Variants in CC2D1B observed in about 807,000 individuals in gnomAD.
CC2D1B encodes coiled-coil and C2 domain-containing protein 1B.
Under a neutral mutation model 110.8 loss-of-function variants are expected in CC2D1B, and 92 were observed. The ratio of observed to expected loss-of-function variants is 0.83; its 90% CI spans 0.70 to 0.99. The LOEUF (loss-of-function observed/expected upper bound fraction) is 0.99, where lower values mean the gene tolerates loss of function less well. CC2D1B is among the 50% of genes least tolerant of loss of function. The probability of loss-of-function intolerance (pLI) is 0.00; values close to 1 mark genes in which losing one functional copy is unlikely to be tolerated. For missense variants in CC2D1B, 1,136 were observed against 1,089.0 expected (o/e 1.04, Z -0.61); for synonymous variants, 406 against 429.2 (o/e 0.95, Z 0.67).
In CC2D1B at chr1:52,353,192, G is replaced by T; in HGVS notation, c.*33C>A. The T allele has an allele frequency of 7.5e-7, 1 of 1,333,868 alleles. No homozygotes were observed. The highest frequency in any genetic ancestry group is 9.9e-7 in the Non-Finnish European group (1 of 1,009,030). 82.6% of individuals were successfully genotyped at this position (1,333,868 alleles called of 1,614,324 possible). A position where few individuals can be genotyped will look rare whatever the true frequency, so the allele number is the denominator to read the frequency against. On this transcript the variant is annotated 3_prime_UTR_variant, in exon 25 of 25. Coordinates refer to ENST00000284376, the MANE Select transcript of CC2D1B (RefSeq NM_001330585.2). ...GGAAAGTCATCTCCTGCACAGTCGC[G>T]GCCTGACTCCTCTCCTGGTGCTGGC...
chr1:52,363,211 G>C (rs912910538), intron 2 of CC2D1B, among the ~76,000 whole-genome samples: 2 of 151,964 alleles, frequency 1.3e-5, no homozygotes, highest in Non-Finnish European at 2.9e-5. Flanking sequence ...TGGCTAACAC[G>C]GTGAAACCCC....
chr1:52,357,315 C>T (rs1194196150), intron 15 of CC2D1B, 189 bp from the exon 16 acceptor site: 1 of 919,356 alleles, frequency 1.1e-6, no homozygotes, highest in East Asian at 2.6e-5. Context: ...GCCTTGTCAT[C>T]TCTGACCACA....
At chr1:52,361,907 A>G (rs767657311) in intron 3 of CC2D1B, among the ~76,000 whole-genome samples, 1 of 152,206 alleles carries the variant, frequency 6.6e-6, no homozygotes, top group Non-Finnish European at 1.5e-5. Context: ...CACCTTTCAC[A>G]TCTGTAAAGA....
Position 52,354,779 on chromosome 1 carries a change from A to T in CC2D1B, c.2339+61T>A, listed in dbSNP as rs1053964898. The T allele has an allele frequency of 5.6e-6, 9 of 1,597,724 alleles. No homozygotes were observed. In the African/African-American group the frequency reaches 1.2e-4, roughly 21 times the overall value. On this transcript the variant is annotated intron_variant, in intron 22 of 24. Coordinates refer to ENST00000284376, the MANE Select transcript of CC2D1B (RefSeq NM_001330585.2). Reference sequence around the variant, plus strand: ...CTGGCTGAGCCCATGCAGGGGCAGCAGTGACAAACGCTCTTCCCTCCTCCC... The same window carrying T: ...CTGGCTGAGCCCATGCAGGGGCAGCTGTGACAAACGCTCTTCCCTCCTCCC...
chr1:52,365,470 G>T (rs957396597), intron 1 of CC2D1B, among the ~76,000 whole-genome samples: 1 of 152,388 alleles, frequency 6.6e-6, no homozygotes, highest in Middle Eastern at 3.4e-3. Flanking sequence ...TGACGGCTCT[G>T]AAGTGGGGAG....
intron 23 of CC2D1B, 126 bp from the exon 24 acceptor site, chr1:52,353,773 C>A: frequency 1.5e-6 from 1 of 664,748 alleles, no homozygotes; most frequent in Non-Finnish European, 2.5e-6. Context: ...ACAGGAATCT[C>A]CATTCATGAA....
At chr1:52,353,384 C>G in intron 24 of CC2D1B, 134 bp downstream of exon 24, 1 of 1,518,362 alleles carries the variant, frequency 6.6e-7, no homozygotes, top group Non-Finnish European at 8.8e-7. Context: ...AAACTCAGCC[C>G]ATAAGCCCTA....
Position 52,355,380 on chromosome 1 carries a change from C to A in CC2D1B, c.2239+18G>T. 6.2e-7 allele frequency: 1 copy of A among 1,612,672 alleles called. No homozygotes were observed. Among genetic ancestry groups the A allele is most frequent in the Non-Finnish European group, 8.5e-7 (1 of 1,178,898 alleles). ...CACACTCTGAGGGAGGAGAAAGAGG[C>A]CCACGTGTGGCCCTCACCTGGAGAG... is the stretch of plus-strand genomic sequence containing the variant. On this transcript the variant is annotated intron_variant, in intron 21 of 24. Coordinates refer to ENST00000284376, the MANE Select transcript of CC2D1B (RefSeq NM_001330585.2).
Position 52,361,528 on chromosome 1 carries a change from T to C in CC2D1B, c.303A>G (p.Glu101=), listed in dbSNP as rs1646781914. Residue 101 remains glutamate (E), a synonymous_variant, in exon 4 of 25, where the codon GAA becomes GAG. Transcript: ENST00000284376. ...GCAGACACACCAGCAGCTCTGCATCTTCCTCCAGCCCTTCCTCCTCCTCCT... is the reference window on the plus strand; with the variant it reads ...GCAGACACACCAGCAGCTCTGCATCCTCCTCCAGCCCTTCCTCCTCCTCCT... ...EEEEEEEGLE[E]DAELLTELQE... is the part of the protein sequence containing the mutation. The C allele has an allele frequency of 1.2e-6, 2 of 1,613,892 alleles. No homozygotes were observed. Among genetic ancestry groups the C allele is most frequent in the Non-Finnish European group, 8.5e-7 (1 of 1,179,962 alleles).
chr1:52,356,756 C>T (rs1037818131), intron 16 of CC2D1B: 18 of 598,156 alleles, frequency 3.0e-5, no homozygotes, highest in East Asian at 2.5e-4. Context: ...TAAACATACA[C>T]GCACATCACA....
At chr1:52,356,141 C>T in intron 18 of CC2D1B, 45 bp downstream of exon 18, 1 of 1,516,556 alleles carries the variant, frequency 6.6e-7, no homozygotes, top group Non-Finnish European at 9.1e-7. Flanking sequence ...TCCCAGCCTC[C>T]TGCCCCTCCC....
chr1:52,358,664 C>T (rs1264726887), intron 12 of CC2D1B, 22 bp downstream of exon 12: 10 of 1,611,600 alleles, frequency 6.2e-6, no homozygotes, highest in Non-Finnish European at 8.5e-6. Context: ...CTCACAGAGC[C>T]CCTAGGCCAT....
rs780837831 is a variant in CC2D1B, at chr1:52,354,867, C to G, written c.2312G>C (p.Gly771Ala). ...TTTGTGGAAGATCTCAAACTTGATGCCTTTGCTCTGGATCACCCTCTTGAA... is the reference window on the plus strand; with the variant it reads ...TTTGTGGAAGATCTCAAACTTGATGGCTTTGCTCTGGATCACCCTCTTGAA... ...RGFKRVIQSK[G>A]IKFEIFHKGS... Residue 771 changes from glycine (G) to alanine (A), a missense_variant, in exon 22 of 25, where the codon GGC (glycine) becomes GCC (alanine). Coordinates refer to ENST00000284376, the MANE Select transcript of CC2D1B (RefSeq NM_001330585.2). The G allele has an allele frequency of 3.1e-6, 5 of 1,614,060 alleles. No individual in the cohort carries two copies. The highest frequency in any genetic ancestry group is 2.7e-5 in the African/African-American group (2 of 74,930).
At chr1:52,360,815 CGGA>C in intron 5 of CC2D1B, 156 bp downstream of exon 5, 3 of 1,000,270 alleles carry the variant, frequency 3.0e-6, no homozygotes, top group Non-Finnish European at 4.4e-6. Flanking sequence ...CTGGCTGCCA[CGGA>C]GGAGTTTCTT....
chr1:52,358,846 G>T, intron 11 of CC2D1B, 88 bp from the exon 12 acceptor site: 1 of 1,464,882 alleles, frequency 6.8e-7, no homozygotes, highest in South Asian at 1.2e-5. Flanking sequence ...CAAGGAGAGG[G>T]AGACTGGTGG....
At chr1:52,356,572 C>G in intron 16 of CC2D1B, 130 bp from the exon 17 acceptor site, 2 of 917,632 alleles carry the variant, frequency 2.2e-6, no homozygotes, top group Non-Finnish European at 3.4e-6. Context: ...CAACACAGCC[C>G]CAAGGGCACT....
chr1:52,354,422 G>A (rs373811663), intron 23 of CC2D1B, 186 bp downstream of exon 23: 37 of 711,032 alleles, frequency 5.2e-5, no homozygotes, highest in Middle Eastern at 4.6e-4. Flanking sequence ...GGGTCCCTCT[G>A]TGAGATTTCT....
At chr1:52,363,227 T>C (rs1043063025) in intron 2 of CC2D1B, among the ~76,000 whole-genome samples, 2 of 151,810 alleles carry the variant, frequency 1.3e-5, no homozygotes, top group Non-Finnish European at 2.9e-5. Flanking sequence ...ACCCCGTCTC[T>C]ACTAAAAAAT....
intron 2 of CC2D1B, among the ~76,000 whole-genome samples, chr1:52,363,338 T>G (rs1307146585): frequency 7.0e-6 from 1 of 142,346 alleles, no homozygotes; most frequent in Admixed American, 7.6e-5. Context: ...GAGCTTGCAG[T>G]GAGCCAAGAT....
Sources: gnomAD v4.1 joint callset for allele counts (sites outside exome capture counted in the v4.1 genomes callset) on GRCh38, gnomAD v4.1.1 for gene constraint, MANE v1.5 for transcripts, NCBI Gene and HGNC (gene_info 2026-07-23, HGNC 2026-07-21) for gene names.